GRM2: variants seen among roughly 807,000 people sequenced by gnomAD.
GRM2 encodes glutamate metabotropic receptor 2.
A neutral mutation model predicts 60.4 loss-of-function variants in GRM2; 35 were observed. The ratio of observed to expected loss-of-function variants is 0.58; its 90% CI spans 0.44 to 0.77. GRM2 has a LOEUF of 0.77. Among genes scored for constraint, GRM2 ranks in the 30% least tolerant of loss-of-function variants. The pLI is 0.00. For missense variants in GRM2, 925 were observed against 1,199.5 expected, an observed-to-expected ratio of 0.77 and a Z score of 3.38; for synonymous variants, 437 against 484.1, an observed-to-expected ratio of 0.90 and a Z score of 1.28.
rs1703613470 is a variant in GRM2, at chr3:51,709,418, T to C, written c.435T>C (p.Ser145=). ...AITGVIGGSY[S]DVSIQVANLL... ...CTGGTGTTATTGGCGGTTCCTACAGTGATGTCTCCATCCAGGTACGTGGAA... is the reference window on the plus strand; with the variant it reads ...CTGGTGTTATTGGCGGTTCCTACAGCGATGTCTCCATCCAGGTACGTGGAA... The change falls in exon 2 of 6, where the codon AGT becomes AGC. Residue 145 remains serine (S), a synonymous_variant. Transcript: ENST00000395052. 2 of 1,555,918 alleles carry C rather than the reference T, an allele frequency of 1.3e-6. No homozygotes were observed. The highest frequency in any genetic ancestry group is 3.4e-4 in the Middle Eastern group (2 of 5,864).
chr3:51,709,835 A>ACACACCCT (rs147463577), intron 2 of GRM2, among the ~76,000 whole-genome samples: 2,791 of 22,514 alleles, frequency 0.12, 177 homozygotes, highest in African/African-American at 0.33. Context: ...ACCCAGACAC[A>ACACACCCT]CACACCCTCA....
intron 2 of GRM2, among the ~76,000 whole-genome samples, chr3:51,711,996 C>T (rs879366702): frequency 2.6e-5 from 4 of 152,206 alleles, no homozygotes; most frequent in African/African-American, 7.2e-5. Flanking sequence ...ACCCTGGGAT[C>T]TGTGTCTTTC....
intron 2 of GRM2, among the ~76,000 whole-genome samples, chr3:51,709,676 A>ACACACCC (rs1553700122): frequency 1.0e-3 from 36 of 35,160 alleles, no homozygotes; most frequent in African/African-American, 3.8e-3. Flanking sequence ...CCTCACACAC[A>ACACACCC]CACACACACC....
Position 51,716,066 on chromosome 3 carries a change from A to G in GRM2, c.2293A>G (p.Thr765Ala). The change falls in exon 4 of 6, where the codon ACC (threonine) becomes GCC (alanine). Residue 765 changes from threonine to alanine, a missense_variant. Transcript: ENST00000395052. The surrounding 1 kb of genome is among the most constrained non-coding windows in gnomAD (Gnocchi z 4.0). ...CAACGAGGCCAAGTTCATTGGCTTC[A>G]CCATGTACACCACCTGCATCATCTG... is the stretch of plus-strand genomic sequence containing the variant. ...NFNEAKFIGF[T>A]MYTTCIIWLA... 6.2e-7 allele frequency: 1 copy of G among 1,614,236 alleles called. No individual in the cohort carries two copies. Among genetic ancestry groups the G allele is most frequent in the Non-Finnish European group, 8.5e-7 (1 of 1,180,040 alleles).
intron 2 of GRM2, among the ~76,000 whole-genome samples, chr3:51,709,727 A>T (rs113324694): frequency 4.0e-5 from 1 of 24,794 alleles, no homozygotes; most frequent in African/African-American, 2.1e-4. Context: ...CCACACACCC[A>T]CACACACCCG....
Position 51,715,023 on chromosome 3 carries a change from A to G in GRM2, c.1289-39A>G. Reference sequence around the variant, plus strand: ...TGTTGAGGTCACATCAGGGTAACACACTAGTCCAACCTTCTCTTCCTTCCC... The same window carrying G: ...TGTTGAGGTCACATCAGGGTAACACGCTAGTCCAACCTTCTCTTCCTTCCC... On this transcript the variant is annotated intron_variant, in intron 3 of 5. Transcript: ENST00000395052. This position sits in a 1 kb window ranked among gnomAD's most constrained non-coding sequence, Gnocchi z 9.0. 7.6e-7 allele frequency: 1 copy of G among 1,311,806 alleles called. No homozygotes were observed. Among genetic ancestry groups the G allele is most frequent in the Non-Finnish European group, 1.1e-6 (1 of 939,180 alleles). 81.3% of individuals were successfully genotyped at this position (1,311,806 alleles called of 1,614,324 possible).
rs1249903412 is a variant in GRM2 at position 51,708,996 on chromosome 3, C to A, written c.13C>A (p.Leu5Ile). The change falls in exon 2 of 6, where the codon CTT (leucine) becomes ATT (isoleucine). Residue 5 changes from leucine to isoleucine, a missense_variant. By Grantham distance (5) the Leu-to-Ile change is conservative (BLOSUM62 2). Coordinates refer to ENST00000395052, the MANE Select transcript of GRM2 (RefSeq NM_000839.5). Reference sequence around the variant, plus strand: ...CCCCTTTGGGGCCATGGGATCGCTGCTTGCGCTCCTGGCACTGCTGCTGCT... The same window carrying A: ...CCCCTTTGGGGCCATGGGATCGCTGATTGCGCTCCTGGCACTGCTGCTGCT... The part of the protein sequence containing the change: MGSL[L>I]ALLALLLLWG... 2.5e-6 allele frequency: 4 copies of A among 1,579,890 alleles called. No individual in the cohort carries two copies. The East Asian group carries it at 9.1e-5, about 36-fold the overall frequency.
At chr3:51,707,381 TTCC>T (rs1703547838) in intron 1 of GRM2, 1 of 153,210 alleles carries the variant, frequency 6.5e-6, no homozygotes, top group Non-Finnish European at 1.5e-5. Flanking sequence ...CACTCCCCCG[TTCC>T]TCCTGCTCCA....
Position 51,718,082 on chromosome 3 carries a change from G to C in GRM2, c.2589G>C (p.Glu863Asp), listed in dbSNP as rs1030999467. 2 of 1,614,176 alleles carry C rather than the reference G, an allele frequency of 1.2e-6. No individual in the cohort carries two copies. The highest frequency in any genetic ancestry group is 1.7e-5 in the Admixed American group (1 of 60,028). The change falls in exon 6 of 6, where the codon GAG becomes GAC. Residue 863 changes from glutamate to aspartate, a missense_variant. Transcript: ENST00000395052. This position sits in a 1 kb window ranked among gnomAD's most constrained non-coding sequence, Gnocchi z 4.2. ...QFVPTVCNGR[E>D]VVDSTTSSL Reference sequence around the variant, plus strand: ...TCCCCACTGTTTGCAATGGCCGTGAGGTGGTGGACTCGACAACGTCATCGC... The same window carrying C: ...TCCCCACTGTTTGCAATGGCCGTGACGTGGTGGACTCGACAACGTCATCGC...
chr3:51,709,413 T>G lies in GRM2; in HGVS notation c.430T>G (p.Tyr144Asp), dbSNP rs149255850. 1.7e-4 allele frequency: 260 copies of G among 1,560,138 alleles called. No individual in the cohort carries two copies. Among genetic ancestry groups the G allele is most frequent in the Admixed American group, 4.0e-4 (23 of 57,660 alleles). Reference protein sequence around the residue: ...TAITGVIGGSYSDVSIQVANL... With the variant: ...TAITGVIGGSDSDVSIQVANL... ...CATCACTGGTGTTATTGGCGGTTCC[T>G]ACAGTGATGTCTCCATCCAGGTACG... The change falls in exon 2 of 6, where the codon TAC (tyrosine) becomes GAC (aspartate). Residue 144 changes from tyrosine to aspartate, a missense_variant. Physicochemically the swap from Tyr to Asp is radical, Grantham distance 160. Transcript: ENST00000395052.
In GRM2 at chr3:51,709,231, G is replaced by A. The variant is rs754495843; in HGVS notation, c.248G>A (p.Arg83His). 1.3e-5 allele frequency: 21 copies of A among 1,608,002 alleles called. No homozygotes were observed. The highest frequency in any genetic ancestry group is 1.7e-5 in the Admixed American group (1 of 59,932). Residue 83 changes from arginine to histidine, a missense_variant, in exon 2 of 6, where the codon CGC becomes CAC. Physicochemically the swap from Arg to His is conservative, Grantham distance 29 (BLOSUM62 0). Transcript: ENST00000395052. ...GACCCGCACCTGCTGCCTGGCGTGC[G>A]CCTGGGTGCACACATCCTCGACAGT... ...NRDPHLLPGVRLGAHILDSCS... is the reference protein window; with the variant it reads ...NRDPHLLPGVHLGAHILDSCS...
rs920589578 is a variant in GRM2, at chr3:51,715,894, G to C, written c.2121G>C (p.Lys707Asn). Residue 707 changes from lysine to asparagine, a missense_variant, in exon 4 of 6, where the codon AAG becomes AAC. Transcript: ENST00000395052. The surrounding 1 kb of genome is among the most constrained non-coding windows in gnomAD (Gnocchi z 9.0). ...WLVVEAPGTG[K>N]ETAPERREVV... ...TGGTGGAGGCACCGGGCACAGGCAA[G>C]GAGACAGCCCCCGAACGGCGGGAGG... The C allele has an allele frequency of 9.9e-6, 16 of 1,613,524 alleles. No homozygotes were observed. Among genetic ancestry groups the C allele is most frequent in the Non-Finnish European group, 1.2e-5 (14 of 1,179,918 alleles).
intron 2 of GRM2, chr3:51,711,195 C>T (rs1657063031): frequency 1.3e-5 from 2 of 151,910 alleles, no homozygotes; most frequent in African/African-American, 2.4e-5. Flanking sequence ...TCATGCTAGT[C>T]TCAGTCACTG....
chr3:51,709,535 G>T lies in GRM2; in HGVS notation c.450+102G>T. On this transcript the variant is annotated intron_variant, in intron 2 of 5. Coordinates refer to ENST00000395052, the MANE Select transcript of GRM2 (RefSeq NM_000839.5). ...CTCATGGGCTGCTGTGAATTGGAAG[G>T]GAAACTAGAAGCTTCCTTGCAGTAG... The T allele has an allele frequency of 4.9e-6, 4 of 811,988 alleles. No homozygotes were observed. In the South Asian group the frequency reaches 7.8e-5, roughly 16 times the overall value. 50.3% of individuals were successfully genotyped at this position (811,988 alleles called of 1,614,324 possible).
At position 51,715,056 on chromosome 3, in the gene GRM2, T is replaced by G; in HGVS notation, c.1289-6T>G. On this transcript the variant is annotated splice_region_variant and splice_polypyrimidine_tract_variant and intron_variant, in intron 3 of 5. Coordinates refer to ENST00000395052, the MANE Select transcript of GRM2 (RefSeq NM_000839.5). The surrounding 1 kb of genome is among the most constrained non-coding windows in gnomAD (Gnocchi z 9.0). ...AACCTTCTCTTCCTTCCCTCCCCCATCCTAGCCCCCTTTCGCCCAGCTGAC... is the reference window on the plus strand; with the variant it reads ...AACCTTCTCTTCCTTCCCTCCCCCAGCCTAGCCCCCTTTCGCCCAGCTGAC... The G allele has an allele frequency of 6.6e-7, 1 of 1,526,086 alleles. No individual in the cohort carries two copies. The highest frequency in any genetic ancestry group is 8.9e-7 in the Non-Finnish European group (1 of 1,125,198). 94.5% of individuals were successfully genotyped at this position (1,526,086 alleles called of 1,614,324 possible). A position where few individuals can be genotyped will look rare whatever the true frequency, so the allele number is the denominator to read the frequency against.
Position 51,718,414 on chromosome 3 carries a change from A to G in GRM2, c.*302A>G. The G allele has an allele frequency of 2.4e-6, 1 of 410,308 alleles. No homozygotes were observed. The allele number at this position is 410,308 out of a possible 1,614,324, so 25.4% of individuals were successfully genotyped here. ...CTGCCCTGGACCCGGGTGGCTGAGG[A>G]CGGCAGGCCCCAGTCCTAACCAGCA... On this transcript the variant is annotated 3_prime_UTR_variant, in exon 6 of 6. Transcript: ENST00000395052. This position sits in a 1 kb window ranked among gnomAD's most constrained non-coding sequence, Gnocchi z 4.2.
Position 51,715,985 on chromosome 3 carries a change from CTCA to C in GRM2, c.2215_2217del (p.Ile739del), listed in dbSNP as rs1458577169. The C allele has an allele frequency of 6.2e-7, 1 of 1,614,212 alleles. No homozygotes were observed. Among genetic ancestry groups the C allele is most frequent in the Non-Finnish European group, 8.5e-7 (1 of 1,180,046 alleles). ...GGGCTCGCTGGCCTACAATGTGCTC[CTCA>C]TCGCGCTCTGCACGCTTTATGCCTT... On this transcript the variant is annotated inframe_deletion, in exon 4 of 6. Coordinates refer to ENST00000395052, the MANE Select transcript of GRM2 (RefSeq NM_000839.5). The surrounding 1 kb of genome is among the most constrained non-coding windows in gnomAD (Gnocchi z 9.0).
At position 51,717,698 on chromosome 3, in the gene GRM2, T is replaced by G. The variant is rs1310390431; in HGVS notation, c.2426T>G (p.Leu809Arg). The G allele has an allele frequency of 6.2e-7, 1 of 1,614,030 alleles. No individual in the cohort carries two copies. Among genetic ancestry groups the G allele is most frequent in the Admixed American group, 1.7e-5 (1 of 60,024 alleles). The part of the protein sequence containing the change: ...SLSGSVVLGC[L>R]FAPKLHIILF... ...AGCGGCTCCGTGGTGCTTGGCTGCC[T>G]CTTTGCGCCCAAGCTGCACATCATC... Residue 809 changes from leucine (L) to arginine (R), a missense_variant, in exon 5 of 6, where the codon CTC (leucine) becomes CGC (arginine). Coordinates refer to ENST00000395052, the MANE Select transcript of GRM2 (RefSeq NM_000839.5). This position sits in a 1 kb window ranked among gnomAD's most constrained non-coding sequence, Gnocchi z 6.0.
intron 3 of GRM2, chr3:51,714,002 T>G (rs1393561943): frequency 2.2e-6 from 1 of 454,212 alleles, no homozygotes; most frequent in Non-Finnish European, 4.4e-6. Context: ...GTTATTTTAA[T>G]AAGAGTGCCA....
Sources: gnomAD v4.1 joint callset for allele counts (sites outside exome capture counted in the v4.1 genomes callset) on GRCh38, gnomAD v4.1.1 for gene constraint, Gnocchi (gnomAD v3.1) non-coding constraint, MANE v1.5 for transcripts, NCBI Gene and HGNC (gene_info 2026-07-23, HGNC 2026-07-21) for gene names.